NINL: variants seen among roughly 807,000 people sequenced by gnomAD.
NINL encodes the protein ninein-like protein.
In NINL, 153 loss-of-function variants were observed where a neutral mutation model predicts 160.3. The ratio of observed to expected loss-of-function variants is 0.95; its 90% CI spans 0.84 to 1.09. The LOEUF is 1.09. NINL is among the 50% of genes least tolerant of loss of function. NINL has a pLI of 0.00. For missense variants in NINL, 1,829 were observed against 1,764.0 expected, an observed-to-expected ratio of 1.04 and a Z score of -0.66; for synonymous variants, 800 against 734.8, an observed-to-expected ratio of 1.09 and a Z score of -1.43.
Position 25,476,243 on chromosome 20 carries a change from AACCTCC to A in NINL, c.3042_3047del (p.Glu1015_Val1016del). 6.2e-7 allele frequency: 1 copy of A among 1,614,026 alleles called. No homozygotes were observed. The highest frequency in any genetic ancestry group is 1.1e-5 in the South Asian group (1 of 91,080). ...GGGATGGCAAGGACCCTCTCCTGGCAACCTCCACACTGTGCTTGTGACACCCAGGCT... is the reference window on the plus strand; with the variant it reads ...GGGATGGCAAGGACCCTCTCCTGGCAACACTGTGCTTGTGACACCCAGGCT... On this transcript the variant is annotated inframe_deletion, in exon 17 of 24. Transcript: ENST00000278886.
At chr20:25,504,832 C>T in intron 6 of NINL, 56 bp downstream of exon 6, 1 of 1,587,346 alleles carries the variant, frequency 6.3e-7, no homozygotes. Context: ...AGACCCAACA[C>T]TAAACCGTGA....
chr20:25,545,966 CT>C (rs2064726604), intron 1 of NINL, among the ~76,000 whole-genome samples: 1 of 140,192 alleles, frequency 7.1e-6, no homozygotes, highest in South Asian at 2.5e-4. Flanking sequence ...AACCCCTTTT[CT>C]TTCTTTGTTG....
At chr20:25,521,936 T>G (rs919671346) in intron 2 of NINL, among the ~76,000 whole-genome samples, 1 of 152,198 alleles carries the variant, frequency 6.6e-6, no homozygotes, top group Non-Finnish European at 1.5e-5. Context: ...ACTTTTTTTT[T>G]GTTTGTTTCT....
intron 1 of NINL, among the ~76,000 whole-genome samples, chr20:25,556,501 T>C (rs775411837): frequency 2.0e-5 from 3 of 152,098 alleles, no homozygotes; most frequent in Non-Finnish European, 4.4e-5. Context: ...CATGTGCAAC[T>C]GTATTCCCAG....
rs547684172 is a variant in NINL, at chr20:25,470,096, C to T, written c.3249-1G>A. 8 of 1,613,302 alleles carry T rather than the reference C, an allele frequency of 5.0e-6. No homozygotes were observed. The highest frequency in any genetic ancestry group is 6.8e-6 in the Non-Finnish European group (8 of 1,179,534). ...TTCAGAAAGTCTATGGAACTCCAGT[C>T]TGCGTAAAAATTGAGAAAAGACCGG... On this transcript the variant is annotated splice_acceptor_variant, in intron 17 of 23. Transcript: ENST00000278886. LOFTEE classifies it high-confidence loss of function.
chr20:25,483,762 AG>A (rs2063449174), intron 13 of NINL, among the ~76,000 whole-genome samples: 1 of 152,256 alleles, frequency 6.6e-6, no homozygotes, highest in Admixed American at 6.5e-5. Flanking sequence ...TGCTCTTTAA[AG>A]GGACAGGAAG....
chr20:25,468,312 G>GC (rs1170986207), intron 18 of NINL, among the ~76,000 whole-genome samples: 1 of 143,292 alleles, frequency 7.0e-6, no homozygotes. Context: ...CTGATGGGTG[G>GC]CCCCCCGTCT....
chr20:25,476,480 T>A lies in NINL; in HGVS notation c.2811A>T (p.Gly937=), dbSNP rs759809015. The A allele has an allele frequency of 4.4e-6, 7 of 1,605,574 alleles. No homozygotes were observed. Among genetic ancestry groups the A allele is most frequent in the Non-Finnish European group, 5.9e-6 (7 of 1,179,866 alleles). The change falls in exon 17 of 24, where the codon GGA becomes GGT. Residue 937 remains glycine, a synonymous_variant. Transcript: ENST00000278886. ...GASAAGLEQP[G]ARELPLLGTE... ...TTCCCAGCAGAGGCAGCTCCCGGGC[T>A]CCAGGCTGCTCCAGCCCCGCTGCGC...
At chr20:25,585,001 G>A (rs939089635) in intron 1 of NINL, among the ~76,000 whole-genome samples, 1 of 152,230 alleles carries the variant, frequency 6.6e-6, no homozygotes, top group African/African-American at 2.4e-5. Context: ...CAGCCACACT[G>A]GCAGGAGGGA....
intron 9 of NINL, among the ~76,000 whole-genome samples, chr20:25,497,286 T>C (rs1427361934): frequency 1.3e-5 from 2 of 152,244 alleles, no homozygotes; most frequent in Non-Finnish European, 2.9e-5. Flanking sequence ...TTGTATGTGG[T>C]CTCAGCTCTG....
At position 25,489,246 on chromosome 20, in the gene NINL, G is replaced by A. The variant is rs200787723; in HGVS notation, c.1675C>T (p.Arg559Trp). The A allele has an allele frequency of 1.4e-5, 22 of 1,614,016 alleles. No homozygotes were observed. Among genetic ancestry groups the A allele is most frequent in the Admixed American group, 1.3e-4 (8 of 60,024 alleles). ...AVLKEYELKC[R>W]DLQDRNDELQ... ...AGGCAGACAGAGCAGGCACGTACCCGGCACTTGAGCTCGTATTCCTTCAGG... is the reference window on the plus strand; with the variant it reads ...AGGCAGACAGAGCAGGCACGTACCCAGCACTTGAGCTCGTATTCCTTCAGG... The change falls in exon 13 of 24, where the codon CGG becomes TGG. Residue 559 changes from arginine (R) to tryptophan (W), a missense_variant and splice_region_variant. Arg to Trp is a moderately radical substitution (Grantham distance 101). Transcript: ENST00000278886.
chr20:25,552,257 G>A (rs1298319588), intron 1 of NINL, among the ~76,000 whole-genome samples: 1 of 151,746 alleles, frequency 6.6e-6, no homozygotes. Context: ...AAAAGAGCTG[G>A]GCATGGTGGT....
Position 25,526,402 on chromosome 20 carries a change from A to G in NINL, c.180+6T>C, listed in dbSNP as rs975737795. 2.5e-6 allele frequency: 4 copies of G among 1,608,280 alleles called. No individual in the cohort carries two copies. In the African/African-American group the frequency reaches 5.4e-5, roughly 22 times the overall value. On this transcript the variant is annotated splice_donor_region_variant and intron_variant, in intron 2 of 23. Transcript: ENST00000278886. ...TTCCTTTATGACAATGAAGTCCAAC[A>G]CTCACCCTGGCGAAATGGTCGTTTC...
intron 1 of NINL, among the ~76,000 whole-genome samples, chr20:25,543,278 G>A (rs2064692200): frequency 6.6e-6 from 1 of 152,120 alleles, no homozygotes; most frequent in African/African-American, 2.4e-5. Context: ...AGCCGGGTGT[G>A]GTGACTCATG....
At chr20:25,481,451 A>G (rs1472415367) in intron 14 of NINL, among the ~76,000 whole-genome samples, 1 of 152,046 alleles carries the variant, frequency 6.6e-6, no homozygotes, top group African/African-American at 2.4e-5. Flanking sequence ...GGGTCCTTGG[A>G]GCTTGTCCTA....
intron 13 of NINL, chr20:25,488,956 C>A (rs1409027160): frequency 6.9e-6 from 3 of 435,042 alleles, no homozygotes; most frequent in Admixed American, 3.5e-5. Context: ...ATGTCTCCAA[C>A]TGACAGACGG....
intron 17 of NINL, among the ~76,000 whole-genome samples, chr20:25,474,021 A>G (rs1164689539): frequency 2.0e-5 from 3 of 152,274 alleles, no homozygotes; most frequent in South Asian, 4.1e-4. Flanking sequence ...AACAGAGACT[A>G]TGTGACATTA....
chr20:25,572,926 T>G (rs1239451741), intron 1 of NINL, among the ~76,000 whole-genome samples: 1 of 152,172 alleles, frequency 6.6e-6, no homozygotes, highest in African/African-American at 2.4e-5. Context: ...ATTCTATCCA[T>G]CTGTTATAAA....
In NINL at chr20:25,462,422, T is replaced by G. The variant is rs749059210; in HGVS notation, c.3543A>C (p.Thr1181=). The change falls in exon 20 of 24, where the codon ACA becomes ACC. Residue 1181 remains threonine, a synonymous_variant. Transcript: ENST00000278886. ...EEHRVTIQML[T]QSLEEVVRSG... ...TGCGAACCACCTCCTCCAGGCTCTG[T>G]GTTAACATCTGAATGGTCACACGAT... 1.9e-6 allele frequency: 3 copies of G among 1,614,020 alleles called. No individual in the cohort carries two copies. Among genetic ancestry groups the G allele is most frequent in the Non-Finnish European group, 2.5e-6 (3 of 1,180,038 alleles).
Sources: gnomAD v4.1 joint callset for allele counts (sites outside exome capture counted in the v4.1 genomes callset) on GRCh38, gnomAD v4.1.1 for gene constraint, MANE v1.5 for transcripts, NCBI Gene and HGNC (gene_info 2026-07-23, HGNC 2026-07-21) for gene names.